NRXN3: variants seen among roughly 807,000 people sequenced by gnomAD.
NRXN3 encodes neurexin III.
NRXN3 carries 32 observed loss-of-function variants against 137.6 expected under a neutral mutation model. That is an observed-to-expected ratio of 0.23 (90% confidence interval 0.18 to 0.31). The LOEUF is 0.31. Among genes scored for constraint, NRXN3 ranks in the 10% least tolerant of loss-of-function variants. The pLI, the probability that NRXN3 is intolerant of heterozygous loss-of-function variation, is 1.00. For synonymous variants in NRXN3, 798 were observed against 784.5 expected (o/e 1.02, Z -0.29); for missense variants, 1,574 against 2,062.5 (o/e 0.76, Z 4.59).
chr14:79,473,781 T>A (rs2096535565), intron 16 of NRXN3, among the ~76,000 whole-genome samples: 1 of 145,334 alleles, frequency 6.9e-6, no homozygotes, highest in Admixed American at 6.9e-5. Context: ...TTGGGATTTC[T>A]GAGCTTAGGA....
chr14:78,763,779 A>T (rs1165194232), intron 8 of NRXN3, among the ~76,000 whole-genome samples: 1 of 152,214 alleles, frequency 6.6e-6, no homozygotes, highest in Non-Finnish European at 1.5e-5. Context: ...CCTGGGACAC[A>T]CAGCTGGGGA....
At chr14:79,016,176 G>A (rs2099578908) in intron 15 of NRXN3, among the ~76,000 whole-genome samples, 1 of 152,118 alleles carries the variant, frequency 6.6e-6, no homozygotes, top group Admixed American at 6.5e-5. Context: ...CAGTGGGAAG[G>A]AAATGTTTAT....
chr14:79,487,197 C>T (rs1312004587), intron 16 of NRXN3, among the ~76,000 whole-genome samples: 1 of 152,142 alleles, frequency 6.6e-6, no homozygotes, highest in African/African-American at 2.4e-5. Flanking sequence ...ACCTGTAAAG[C>T]ACTCGGCTCA....
At chr14:79,742,531 C>T (rs900650266) in intron 19 of NRXN3, among the ~76,000 whole-genome samples, 7 of 152,100 alleles carry the variant, frequency 4.6e-5, no homozygotes, top group Admixed American at 3.9e-4. Context: ...ATTATCATGT[C>T]AATCCAAGTA....
chr14:78,632,644 CTT>C (rs2097532218), intron 4 of NRXN3, among the ~76,000 whole-genome samples: 1 of 152,070 alleles, frequency 6.6e-6, no homozygotes, highest in Non-Finnish European at 1.5e-5. Flanking sequence ...GCTAGTAAAA[CTT>C]TATTTCACAG....
intron 15 of NRXN3, among the ~76,000 whole-genome samples, chr14:79,408,920 G>A (rs890103314): frequency 6.6e-6 from 1 of 151,672 alleles, no homozygotes; most frequent in Non-Finnish European, 1.5e-5. Context: ...AAATTCATGT[G>A]TTTTTTTTCT....
chr14:78,696,430 C>A (rs913369387), intron 6 of NRXN3, among the ~76,000 whole-genome samples: 5 of 151,960 alleles, frequency 3.3e-5, no homozygotes, highest in Non-Finnish European at 7.4e-5. Flanking sequence ...CTCACATCAA[C>A]CCTATGAGGT....
rs183224366 is a variant in NRXN3, at chr14:79,641,717, G to T, written c.3445-22061G>T. Among the ~76,000 whole-genome samples, 7 of 135,236 alleles carry T rather than the reference G, an allele frequency of 5.2e-5. No homozygotes were observed. The East Asian group carries it at 1.4e-3, about 27-fold the overall frequency. 88.7% of individuals were successfully genotyped at this position (135,236 alleles called of 152,430 possible). A position where few individuals can be genotyped will look rare whatever the true frequency, so the allele number is the denominator to read the frequency against. On this transcript the variant is annotated intron_variant, in intron 16 of 20. Coordinates refer to ENST00000335750, the MANE Select transcript of NRXN3 (RefSeq NM_001330195.2). ...TGGTACATTTCTGCAGCACACAAAGGCTCCCTCCAAATGCAGCAATTCCTT... is the reference window on the plus strand; with the variant it reads ...TGGTACATTTCTGCAGCACACAAAGTCTCCCTCCAAATGCAGCAATTCCTT...
chr14:78,874,514 C>T (rs921948084), intron 10 of NRXN3, among the ~76,000 whole-genome samples: 4 of 152,136 alleles, frequency 2.6e-5, no homozygotes, highest in African/African-American at 9.7e-5. Context: ...CTACCCACCA[C>T]TTCCTGCAAC....
intron 4 of NRXN3, among the ~76,000 whole-genome samples, chr14:78,383,882 TGATGAG>T (rs1421982172): frequency 2.6e-5 from 4 of 152,204 alleles, no homozygotes; most frequent in African/African-American, 4.8e-5. Context: ...TAAAATTCCC[TGATGAG>T]GAATCTATCC....
At chr14:78,374,814 G>T (rs368791341) in intron 4 of NRXN3, among the ~76,000 whole-genome samples, 3 of 146,872 alleles carry the variant, frequency 2.0e-5, no homozygotes, top group African/African-American at 5.0e-5. Context: ...CTTAAAAGAT[G>T]TAATTTTCAG....
intron 15 of NRXN3, among the ~76,000 whole-genome samples, chr14:79,429,629 C>T (rs923877762): frequency 1.6e-4 from 24 of 152,142 alleles, no homozygotes; most frequent in Non-Finnish European, 2.8e-4. Flanking sequence ...GCTGCCATTA[C>T]GATCGCCAAA....
chr14:79,820,744 C>T (rs2099269391), intron 20 of NRXN3, among the ~76,000 whole-genome samples: 1 of 152,128 alleles, frequency 6.6e-6, no homozygotes, highest in South Asian at 2.1e-4. Flanking sequence ...TTGTTGAGAA[C>T]ATGCAGTATA....
chr14:78,243,366 GGACTGTGCCGA>G lies in NRXN3; in HGVS notation c.279_289del (p.Ala94ArgfsTer9). On this transcript the variant is annotated frameshift_variant, in exon 2 of 21. Coordinates refer to ENST00000335750, the MANE Select transcript of NRXN3 (RefSeq NM_001330195.2). LOFTEE classifies it high-confidence loss of function. The surrounding 1 kb of genome is among the most constrained non-coding windows in gnomAD (Gnocchi z 4.2). ...GCCGCGTTCAGCTCCGCTTCAGCAT[GGACTGTGCCGA>G]GACTGCCGTGCTGTCCAACAAGCAG... 1 of 1,563,904 alleles carries G rather than the reference GGACTGTGCCGA, an allele frequency of 6.4e-7. No homozygotes were observed. The highest frequency in any genetic ancestry group is 8.6e-7 in the Non-Finnish European group (1 of 1,162,376).
intron 18 of NRXN3, among the ~76,000 whole-genome samples, chr14:79,693,277 A>G (rs1479493879): frequency 1.3e-5 from 2 of 152,016 alleles, no homozygotes; most frequent in Admixed American, 1.3e-4. Context: ...TAGAAGAAGT[A>G]ACCAGGTATA....
chr14:79,252,284 A>T (rs1255487120), intron 15 of NRXN3, among the ~76,000 whole-genome samples: 1 of 152,162 alleles, frequency 6.6e-6, no homozygotes, highest in Non-Finnish European at 1.5e-5. Flanking sequence ...TTAATAGAGG[A>T]TCCTCCTCAA....
chr14:79,068,298 G>T (rs933354491), intron 15 of NRXN3, among the ~76,000 whole-genome samples: 12 of 151,888 alleles, frequency 7.9e-5, no homozygotes, highest in African/African-American at 2.9e-4. Context: ...TGGACAAAAG[G>T]GTTAAGTATA....
intron 15 of NRXN3, among the ~76,000 whole-genome samples, chr14:79,166,285 G>A (rs1217369237): frequency 2.0e-5 from 3 of 151,692 alleles, no homozygotes; most frequent in South Asian, 2.1e-4. Context: ...TCATCATGCC[G>A]GCTCCTTCTC....
chr14:78,174,696 C>T (rs765764491), intron 1 of NRXN3, among the ~76,000 whole-genome samples: 75 of 151,846 alleles, frequency 4.9e-4, no homozygotes, highest in African/African-American at 1.6e-3. Flanking sequence ...GTGGTAGTGA[C>T]GGGGAAGGAA....
Sources: gnomAD v4.1 joint callset for allele counts (sites outside exome capture counted in the v4.1 genomes callset) on GRCh38, gnomAD v4.1.1 for gene constraint, Gnocchi (gnomAD v3.1) non-coding constraint, MANE v1.5 for transcripts, NCBI Gene and HGNC (gene_info 2026-07-23, HGNC 2026-07-21) for gene names.